The following CNTNAP2 variants were observed in gnomAD, a reference collection of about 807,000 sequenced individuals.
CNTNAP2 encodes contactin-associated protein-like 2.
In CNTNAP2, 98 loss-of-function variants were observed where a neutral mutation model predicts 155.2. The observed-to-expected ratio is 0.63, with a 90% CI of 0.54 to 0.75. CNTNAP2 has a LOEUF of 0.75. CNTNAP2 is among the 30% of genes least tolerant of loss of function. The pLI is 0.00. For missense variants in CNTNAP2, 1,727 were observed against 1,688.1 expected (o/e 1.02, Z -0.40); for synonymous variants, 651 against 631.2 (o/e 1.03, Z -0.47).
intron 11 of CNTNAP2, among the ~76,000 whole-genome samples, chr7:147,499,632 A>G (rs1020744898): frequency 6.6e-6 from 1 of 152,148 alleles, no homozygotes; most frequent in African/African-American, 2.4e-5. Context: ...AACCACCCCA[A>G]TTTCCCAAAT....
chr7:147,028,176 A>G (rs1011442164), intron 3 of CNTNAP2, among the ~76,000 whole-genome samples: 4 of 152,216 alleles, frequency 2.6e-5, no homozygotes, highest in African/African-American at 7.2e-5. Flanking sequence ...CAACTGCACC[A>G]AAAAGGTTCC....
At chr7:146,902,215 G>A (rs1039102720) in intron 3 of CNTNAP2, among the ~76,000 whole-genome samples, 4 of 152,002 alleles carry the variant, frequency 2.6e-5, no homozygotes, top group African/African-American at 9.7e-5. Flanking sequence ...ATCTTCCTCA[G>A]GAGCAGTGGC....
At chr7:147,045,371 T>A (rs1799337681) in intron 4 of CNTNAP2, among the ~76,000 whole-genome samples, 1 of 152,184 alleles carries the variant, frequency 6.6e-6, no homozygotes, top group African/African-American at 2.4e-5. Flanking sequence ...ACACATTTAG[T>A]AACAGAAATT....
At chr7:147,328,984 G>T (rs2692131) in intron 9 of CNTNAP2, among the ~76,000 whole-genome samples, 18 of 151,954 alleles carry the variant, frequency 1.2e-4, no homozygotes, top group African/African-American at 4.1e-4. Flanking sequence ...CAGACCAAGA[G>T]GAAAGGTGAA....
chr7:148,120,195 A>G (rs17548486), intron 16 of CNTNAP2, among the ~76,000 whole-genome samples: 4,004 of 146,668 alleles, frequency 0.027, 81 homozygotes, highest in Middle Eastern at 0.048. Context: ...AAGAAGGAAC[A>G]CATACTAGAT....
At chr7:148,226,362 C>T (rs1329025438) in intron 19 of CNTNAP2, among the ~76,000 whole-genome samples, 1 of 151,916 alleles carries the variant, frequency 6.6e-6, no homozygotes. Flanking sequence ...GAAGAGGGTG[C>T]CCCCTCCCAC....
intron 1 of CNTNAP2, among the ~76,000 whole-genome samples, chr7:146,637,908 G>T (rs963225901): frequency 6.6e-6 from 1 of 152,064 alleles, no homozygotes; most frequent in Non-Finnish European, 1.5e-5. Context: ...CAACATATAT[G>T]TTATTTGATT....
chr7:146,397,822 T>G (rs1199463581), intron 1 of CNTNAP2, among the ~76,000 whole-genome samples: 4 of 152,082 alleles, frequency 2.6e-5, no homozygotes, highest in Non-Finnish European at 5.9e-5. Flanking sequence ...TTAAGATATT[T>G]TATGTAGAAC....
At chr7:146,816,610 A>G (rs1803175797) in intron 2 of CNTNAP2, among the ~76,000 whole-genome samples, 1 of 152,210 alleles carries the variant, frequency 6.6e-6, no homozygotes, top group Admixed American at 6.5e-5. Context: ...TAAGGAAAGT[A>G]TAGAGTTATC....
At chr7:146,740,715 C>T (rs1236658768) in intron 1 of CNTNAP2, among the ~76,000 whole-genome samples, 1 of 152,170 alleles carries the variant, frequency 6.6e-6, no homozygotes, top group Non-Finnish European at 1.5e-5. Flanking sequence ...ATGCCAGAAT[C>T]CCTGGACAGC....
chr7:148,166,270 T>C (rs1379400778), intron 17 of CNTNAP2, among the ~76,000 whole-genome samples: 2 of 152,146 alleles, frequency 1.3e-5, no homozygotes, highest in African/African-American at 4.8e-5. Context: ...TTTTGTGTGT[T>C]TTGCTTCAAT....
intron 15 of CNTNAP2, among the ~76,000 whole-genome samples, chr7:148,093,689 G>C (rs2040920): frequency 0.37 from 56,948 of 152,072 alleles, 12,878 homozygotes; most frequent in East Asian, 0.78. Context: ...TGGATTGTCT[G>C]AAACCCATTA....
intron 11 of CNTNAP2, among the ~76,000 whole-genome samples, chr7:147,508,839 A>G (rs1798963051): frequency 6.6e-6 from 1 of 152,164 alleles, no homozygotes; most frequent in Non-Finnish European, 1.5e-5. Context: ...CATGATTGTG[A>G]GGCCTCCGCA....
intron 8 of CNTNAP2, among the ~76,000 whole-genome samples, chr7:147,168,015 T>C (rs2116469386): frequency 6.7e-6 from 1 of 149,124 alleles, no homozygotes; most frequent in South Asian, 2.1e-4. Context: ...TATATATACA[T>C]ATATGTATAT....
intron 21 of CNTNAP2, among the ~76,000 whole-genome samples, chr7:148,331,051 ATGG>A (rs1797992776): frequency 6.7e-6 from 1 of 149,038 alleles, no homozygotes; most frequent in Non-Finnish European, 1.5e-5. Context: ...GAATGGACGG[ATGG>A]GATGGATGGA....
At chr7:146,923,994 T>G (rs562316747) in intron 3 of CNTNAP2, among the ~76,000 whole-genome samples, 11 of 152,266 alleles carry the variant, frequency 7.2e-5, no homozygotes, top group Middle Eastern at 3.4e-3. Flanking sequence ...AGAACTGCTT[T>G]CATAGCTTCC....
chr7:146,696,713 T>A (rs934717996), intron 1 of CNTNAP2, among the ~76,000 whole-genome samples: 4 of 152,156 alleles, frequency 2.6e-5, no homozygotes, highest in Non-Finnish European at 5.9e-5. Context: ...TTTTGAAAAG[T>A]TGTATTTTAA....
chr7:147,460,411 G>A (rs746871755), intron 10 of CNTNAP2, among the ~76,000 whole-genome samples: 2 of 151,970 alleles, frequency 1.3e-5, no homozygotes, highest in African/African-American at 2.4e-5. Context: ...GTGCTACCTC[G>A]CCCCCCTACC....
At chr7:146,393,348 C>A (rs1203523287) in intron 1 of CNTNAP2, among the ~76,000 whole-genome samples, 6 of 152,108 alleles carry the variant, frequency 3.9e-5, no homozygotes, top group Non-Finnish European at 5.9e-5. Context: ...CTAAGAGTTG[C>A]TAAATAAATA....
Sources: gnomAD v4.1 joint callset for allele counts (sites outside exome capture counted in the v4.1 genomes callset) on GRCh38, gnomAD v4.1.1 for gene constraint, MANE v1.5 for transcripts, NCBI Gene and HGNC (gene_info 2026-07-23, HGNC 2026-07-21) for gene names.